Variants in KDM7A observed in about 807,000 individuals in gnomAD.
The protein encoded by KDM7A is lysine demethylase 7A.
KDM7A carries 28 observed loss-of-function variants against 114.8 expected under a neutral mutation model. The ratio of observed to expected loss-of-function variants is 0.24; its 90% CI spans 0.18 to 0.33. The LOEUF is 0.33. KDM7A is among the 10% of genes least tolerant of loss of function. The pLI, the probability that KDM7A is intolerant of heterozygous loss-of-function variation, is 1.00. For synonymous variants in KDM7A, 423 were observed against 397.8 expected (o/e 1.06, Z -0.75); for missense variants, 942 against 1,142.5 (o/e 0.82, Z 2.53).
chr7:140,123,842 T>A (rs1818654267), intron 7 of KDM7A, among the ~76,000 whole-genome samples: 2 of 152,016 alleles, frequency 1.3e-5, no homozygotes, highest in South Asian at 4.2e-4. Context: ...AGTACTTTGG[T>A]GGGCGGATCA....
intron 19 of KDM7A, 50 bp downstream of exon 19, chr7:140,091,754 C>A: frequency 6.3e-7 from 1 of 1,588,522 alleles, no homozygotes; most frequent in South Asian, 1.1e-5. Flanking sequence ...CCATGATGAC[C>A]ATCACATACA....
At chr7:140,169,948 C>T (rs1017768005) in intron 1 of KDM7A, among the ~76,000 whole-genome samples, 2 of 152,166 alleles carry the variant, frequency 1.3e-5, no homozygotes, top group Non-Finnish European at 2.9e-5. Flanking sequence ...TTATAAAACT[C>T]TTATAAGTGA....
chr7:140,092,025 C>T lies in KDM7A; in HGVS notation c.2510G>A (p.Ser837Asn). The T allele has an allele frequency of 6.2e-7, 1 of 1,614,150 alleles. No homozygotes were observed. The change falls in exon 19 of 20, where the codon AGT (serine) becomes AAT (asparagine). Residue 837 changes from serine to asparagine, a missense_variant. Transcript: ENST00000397560. ...CIRKEGSSEISQRVQSRNYVD... is the reference protein window; with the variant it reads ...CIRKEGSSEINQRVQSRNYVD... ...ATAATTCCTACTTTGTACCCTCTGA[C>T]TAATTTCTGATGAACCTTCCTTTCT... is the stretch of plus-strand genomic sequence containing the variant.
rs1019344827 is a variant in KDM7A at position 140,089,925 on chromosome 7, G to A, written c.*1169C>T. On this transcript the variant is annotated 3_prime_UTR_variant, in exon 20 of 20. Coordinates refer to ENST00000397560, the MANE Select transcript of KDM7A (RefSeq NM_030647.2). ...CATGCTTGCTTCTATACAACTTAAT[G>A]TAGTATTAATCCTATTATATTACGG... is the stretch of plus-strand genomic sequence containing the variant. The A allele has an allele frequency of 1.3e-5, 2 of 152,290 alleles. No individual in the cohort carries two copies. Among genetic ancestry groups the A allele is most frequent in the Non-Finnish European group, 2.9e-5 (2 of 68,024 alleles). 9.4% of individuals were successfully genotyped at this position (152,290 alleles called of 1,614,324 possible).
At position 140,176,215 on chromosome 7, in the gene KDM7A, G is replaced by A. The variant is rs957980361; in HGVS notation, c.194+529C>T. Among the ~76,000 whole-genome samples, 3 of 151,518 alleles carry A rather than the reference G, an allele frequency of 2.0e-5. No homozygotes were observed. Among genetic ancestry groups the A allele is most frequent in the African/African-American group, 7.3e-5 (3 of 41,310 alleles). On this transcript the variant is annotated intron_variant, in intron 1 of 19. Transcript: ENST00000397560. The surrounding 1 kb of genome is among the most constrained non-coding windows in gnomAD (Gnocchi z 4.4). ...AAGTTTGATAAAGACGGGGAAGGGGGCGCGACAGGGACCCGCGGCGCGGAG... is the reference window on the plus strand; with the variant it reads ...AAGTTTGATAAAGACGGGGAAGGGGACGCGACAGGGACCCGCGGCGCGGAG...
chr7:140,168,217 T>C (rs977864135), intron 1 of KDM7A, among the ~76,000 whole-genome samples: 50 of 152,222 alleles, frequency 3.3e-4, no homozygotes, highest in African/African-American at 1.1e-3. Flanking sequence ...AAACAACATA[T>C]ACATTTATCT....
chr7:140,128,221 C>T (rs1219708949), intron 4 of KDM7A, among the ~76,000 whole-genome samples: 1 of 152,170 alleles, frequency 6.6e-6, no homozygotes, highest in Non-Finnish European at 1.5e-5. Context: ...TTCGTATAAA[C>T]CCATGAAGTG....
At chr7:140,149,446 A>G (rs1794375472) in intron 1 of KDM7A, among the ~76,000 whole-genome samples, 1 of 152,168 alleles carries the variant, frequency 6.6e-6, no homozygotes, top group Non-Finnish European at 1.5e-5. Flanking sequence ...GAAGGTAATA[A>G]TTTTTATTAG....
At chr7:140,147,732 C>G (rs935554757) in intron 1 of KDM7A, among the ~76,000 whole-genome samples, 15 of 152,148 alleles carry the variant, frequency 9.9e-5, no homozygotes, top group Non-Finnish European at 2.1e-4. Context: ...TATCTTGATT[C>G]TGGGGTCAGT....
intron 1 of KDM7A, among the ~76,000 whole-genome samples, chr7:140,147,702 G>A (rs143770863): frequency 1.7e-3 from 259 of 152,322 alleles, no homozygotes; most frequent in Non-Finnish European, 2.6e-3. Context: ...CTGACAGCTT[G>A]CTCTGCATGT....
At chr7:140,174,468 G>A (rs1421655664) in intron 1 of KDM7A, among the ~76,000 whole-genome samples, 1 of 152,124 alleles carries the variant, frequency 6.6e-6, no homozygotes, top group Admixed American at 6.5e-5. Flanking sequence ...ATACTTACAT[G>A]TATTACAAAA....
At position 140,087,563 on chromosome 7, in the gene KDM7A, T is replaced by G. The variant is rs1201658230; in HGVS notation, c.*3531A>C. The G allele has an allele frequency of 6.7e-6, 1 of 150,066 alleles. No homozygotes were observed. The highest frequency in any genetic ancestry group is 2.4e-5 in the African/African-American group (1 of 41,370). 9.3% of individuals were successfully genotyped at this position (150,066 alleles called of 1,614,324 possible). ...TTAACTTAATGATAAGTTCTCTGTA[T>G]GTATGAAGTGTTAAGAGATTTTCTT... On this transcript the variant is annotated 3_prime_UTR_variant, in exon 20 of 20. Coordinates refer to ENST00000397560, the MANE Select transcript of KDM7A (RefSeq NM_030647.2).
intron 9 of KDM7A, among the ~76,000 whole-genome samples, chr7:140,115,024 CG>C (rs1208184418): frequency 6.6e-6 from 1 of 152,032 alleles, no homozygotes; most frequent in African/African-American, 2.4e-5. Flanking sequence ...GCAGCCGCCC[CG>C]TCCAGGAGGT....
Position 140,176,822 on chromosome 7 carries a change from T to G in KDM7A, c.116A>C (p.Tyr39Ser). 7.4e-7 allele frequency: 1 copy of G among 1,357,582 alleles called. No individual in the cohort carries two copies. Among genetic ancestry groups the G allele is most frequent in the East Asian group, 3.5e-5 (1 of 28,604 alleles). The allele number at this position is 1,357,582 out of a possible 1,614,324, so 84.1% of individuals were successfully genotyped here. ...GTCGTACGGCTGCCGGCACACACAG[T>G]ACACGGGCGGGGGCGGCGGAGGCGC... ...ASAPPPPPPVYCVCRQPYDVN... is the reference protein window; with the variant it reads ...ASAPPPPPPVSCVCRQPYDVN... The change falls in exon 1 of 20, where the codon TAC becomes TCC. Residue 39 changes from tyrosine (Y) to serine (S), a missense_variant. Coordinates refer to ENST00000397560, the MANE Select transcript of KDM7A (RefSeq NM_030647.2). The surrounding 1 kb of genome is among the most constrained non-coding windows in gnomAD (Gnocchi z 4.4).
chr7:140,097,696 C>A, intron 14 of KDM7A, 54 bp from the exon 15 acceptor site: 3 of 998,776 alleles, frequency 3.0e-6, no homozygotes, highest in Admixed American at 1.8e-5. Flanking sequence ...CTACGATGAA[C>A]AAGGTGACAA....
At position 140,157,428 on chromosome 7, in the gene KDM7A, G is replaced by A. The variant is rs142788018; in HGVS notation, c.195-18238C>T. Reference sequence around the variant, plus strand: ...CTGGCCTTGGGAGGCCGAGGTGGGAGGGTCGCCTGAGCCCAGGAGTTCAAG... The same window carrying A: ...CTGGCCTTGGGAGGCCGAGGTGGGAAGGTCGCCTGAGCCCAGGAGTTCAAG... On this transcript the variant is annotated intron_variant, in intron 1 of 19. Coordinates refer to ENST00000397560, the MANE Select transcript of KDM7A (RefSeq NM_030647.2). Among the ~76,000 whole-genome samples the A allele has an allele frequency of 5.4e-3, 818 of 152,322 alleles. 32 individuals carry two copies. In the East Asian group the frequency reaches 0.094, roughly 18 times the overall value.
chr7:140,099,219 G>A (rs922690760), intron 13 of KDM7A, among the ~76,000 whole-genome samples, 186 bp from the exon 14 acceptor site: 1 of 152,148 alleles, frequency 6.6e-6, no homozygotes, highest in African/African-American at 2.4e-5. Context: ...TTTTGAGACA[G>A]GGTCTTGCTC....
At chr7:140,102,404 G>A (rs566011828) in intron 11 of KDM7A, among the ~76,000 whole-genome samples, 3 of 147,602 alleles carry the variant, frequency 2.0e-5, no homozygotes, top group African/African-American at 2.5e-5. Context: ...ACAGGGTCTC[G>A]CTCTTGTCAC....
chr7:140,095,128 G>T (rs574720490), intron 17 of KDM7A, among the ~76,000 whole-genome samples: 8 of 152,340 alleles, frequency 5.3e-5, no homozygotes, highest in African/African-American at 1.9e-4. Context: ...GATTACTGGC[G>T]TGAACCACTG....
Sources: gnomAD v4.1 joint callset for allele counts (sites outside exome capture counted in the v4.1 genomes callset) on GRCh38, gnomAD v4.1.1 for gene constraint, Gnocchi (gnomAD v3.1) non-coding constraint, MANE v1.5 for transcripts, NCBI Gene and HGNC (gene_info 2026-07-23, HGNC 2026-07-21) for gene names.